The following KCND2 variants were observed in gnomAD, a reference collection of about 807,000 sequenced individuals.
KCND2 encodes the protein potassium voltage-gated channel subfamily D member 2.
In KCND2, 16 loss-of-function variants were observed where a neutral mutation model predicts 54.4. The ratio of observed to expected loss-of-function variants is 0.29; its 90% CI spans 0.20 to 0.45. KCND2 has a LOEUF of 0.45. Ranked by LOEUF, KCND2 falls within the 20% of genes least tolerant of loss-of-function variation. The probability of loss-of-function intolerance (pLI) is 1.00; values close to 1 mark genes in which losing one functional copy is unlikely to be tolerated. For synonymous variants in KCND2, 317 were observed against 310.7 expected, an observed-to-expected ratio of 1.02 and a Z score of -0.21; for missense variants, 486 against 824.2, an observed-to-expected ratio of 0.59 and a Z score of 5.02.
chr7:120,432,910 C>T (rs1801815148), intron 1 of KCND2, among the ~76,000 whole-genome samples: 1 of 152,086 alleles, frequency 6.6e-6, no homozygotes, highest in African/African-American at 2.4e-5. Flanking sequence ...TTCACTGCAC[C>T]ACTTCAAAAC....
chr7:120,571,028 C>T (rs1792359407), intron 1 of KCND2, among the ~76,000 whole-genome samples: 1 of 152,156 alleles, frequency 6.6e-6, no homozygotes, highest in South Asian at 2.1e-4. Flanking sequence ...CGCTGTCTTA[C>T]CATTTCTGTG....
intron 1 of KCND2, among the ~76,000 whole-genome samples, chr7:120,442,366 A>G (rs1405079683): frequency 1.3e-5 from 2 of 152,118 alleles, no homozygotes; most frequent in African/African-American, 4.8e-5. Flanking sequence ...GGCAGTCTTC[A>G]CTGAAACAGA....
At chr7:120,681,842 G>A (rs534347407) in intron 1 of KCND2, among the ~76,000 whole-genome samples, 1 of 151,998 alleles carries the variant, frequency 6.6e-6, no homozygotes, top group African/African-American at 2.4e-5. Context: ...TTTACCGAAT[G>A]TCCATATAAA....
At chr7:120,462,432 C>T (rs1802297113) in intron 1 of KCND2, among the ~76,000 whole-genome samples, 1 of 151,892 alleles carries the variant, frequency 6.6e-6, no homozygotes, top group Non-Finnish European at 1.5e-5. Context: ...TCAACTTTGC[C>T]TTGAGAGTAA....
At chr7:120,454,742 A>G (rs1211478384) in intron 1 of KCND2, among the ~76,000 whole-genome samples, 1 of 152,134 alleles carries the variant, frequency 6.6e-6, no homozygotes, top group Non-Finnish European at 1.5e-5. Flanking sequence ...AAGTCATCCT[A>G]TCTCTATTAT....
intron 1 of KCND2, among the ~76,000 whole-genome samples, chr7:120,677,155 G>T (rs748009175): frequency 3.3e-5 from 5 of 152,114 alleles, no homozygotes; most frequent in Non-Finnish European, 7.4e-5. Flanking sequence ...AAAGTCTTTG[G>T]AATGGAATAA....
chr7:120,564,985 C>T (rs1178626033), intron 1 of KCND2, among the ~76,000 whole-genome samples: 1 of 152,092 alleles, frequency 6.6e-6, no homozygotes. Context: ...TTTGTAGATA[C>T]TTGTAATGTA....
chr7:120,541,458 C>T (rs1411286049), intron 1 of KCND2, among the ~76,000 whole-genome samples: 2 of 152,064 alleles, frequency 1.3e-5, no homozygotes, highest in African/African-American at 4.8e-5. Flanking sequence ...TCTTTCTCTA[C>T]CTATGCAAAT....
At chr7:120,361,775 TGA>T (rs1408796060) in intron 1 of KCND2, among the ~76,000 whole-genome samples, 1 of 152,144 alleles carries the variant, frequency 6.6e-6, no homozygotes, top group Non-Finnish European at 1.5e-5. Context: ...ATTAATGTAA[TGA>T]GAGAACGTGG....
chr7:120,556,432 A>G (rs1467484915), intron 1 of KCND2, among the ~76,000 whole-genome samples: 1 of 152,216 alleles, frequency 6.6e-6, no homozygotes, highest in Non-Finnish European at 1.5e-5. Context: ...CCTTCTCTCA[A>G]GAAGCACAGG....
At chr7:120,485,241 T>C (rs182775495) in intron 1 of KCND2, among the ~76,000 whole-genome samples, 3 of 152,194 alleles carry the variant, frequency 2.0e-5, no homozygotes, top group Admixed American at 2.0e-4. Flanking sequence ...AATGAGTGAG[T>C]TTAGTATGAT....
intron 1 of KCND2, among the ~76,000 whole-genome samples, chr7:120,410,059 T>G (rs1028508824): frequency 6.6e-6 from 1 of 151,970 alleles, no homozygotes; most frequent in Non-Finnish European, 1.5e-5. Flanking sequence ...TTATGTGATA[T>G]GAGATAAAAA....
At chr7:120,657,263 A>G (rs1484615887) in intron 1 of KCND2, among the ~76,000 whole-genome samples, 1 of 152,186 alleles carries the variant, frequency 6.6e-6, no homozygotes, top group Non-Finnish European at 1.5e-5. Flanking sequence ...AATTTGGTCA[A>G]AAACAGTAAA....
At chr7:120,340,263 TTGAGAAATAAC>T (rs1800222159) in intron 1 of KCND2, among the ~76,000 whole-genome samples, 1 of 152,180 alleles carries the variant, frequency 6.6e-6, no homozygotes, top group Non-Finnish European at 1.5e-5. Flanking sequence ...AATAGAAATT[TTGAGAAATAAC>T]TGGGAATTCT....
intron 1 of KCND2, among the ~76,000 whole-genome samples, chr7:120,455,377 A>G (rs1802181341): frequency 6.6e-6 from 1 of 152,156 alleles, no homozygotes; most frequent in African/African-American, 2.4e-5. Flanking sequence ...ATTACACACT[A>G]CTGGTGAGAA....
At chr7:120,285,278 A>G (rs1799323341) in intron 1 of KCND2, among the ~76,000 whole-genome samples, 1 of 152,090 alleles carries the variant, frequency 6.6e-6, no homozygotes, top group Admixed American at 6.5e-5. Flanking sequence ...AGCCAATAAT[A>G]TGGAAAACAT....
Position 120,646,410 on chromosome 7 carries a change from A to G in KCND2, c.1116-86493A>G, listed in dbSNP as rs184922737. Reference sequence around the variant, plus strand: ...CCCTAAGACATCTTTTTAAAAAGTAATTTTTCTGTTAGTGATTTTATTGAT... The same window carrying G: ...CCCTAAGACATCTTTTTAAAAAGTAGTTTTTCTGTTAGTGATTTTATTGAT... On this transcript the variant is annotated intron_variant, in intron 1 of 5. Coordinates refer to ENST00000331113, the MANE Select transcript of KCND2 (RefSeq NM_012281.3). Among the ~76,000 whole-genome samples, 62 of 152,070 alleles carry G rather than the reference A, an allele frequency of 4.1e-4. No individual in the cohort carries two copies. The East Asian group carries it at 0.01, about 25-fold the overall frequency.
intron 1 of KCND2, among the ~76,000 whole-genome samples, chr7:120,715,299 G>A (rs185757057): frequency 1.8e-4 from 28 of 152,152 alleles, no homozygotes; most frequent in African/African-American, 6.5e-4. Context: ...TGTAAGGTAA[G>A]TCATTGCTCA....
intron 1 of KCND2, among the ~76,000 whole-genome samples, chr7:120,663,532 A>AT (rs1284116436): frequency 6.6e-6 from 1 of 152,178 alleles, no homozygotes; most frequent in Admixed American, 6.5e-5. Flanking sequence ...GGATAGATAT[A>AT]ACAATAGAAA....
Sources: gnomAD v4.1 joint callset for allele counts (sites outside exome capture counted in the v4.1 genomes callset) on GRCh38, gnomAD v4.1.1 for gene constraint, MANE v1.5 for transcripts, NCBI Gene and HGNC (gene_info 2026-07-23, HGNC 2026-07-21) for gene names.